EPHA6: variants seen among roughly 807,000 people sequenced by gnomAD.
The protein encoded by EPHA6 is ephrin type-A receptor 6.
EPHA6 carries 50 observed loss-of-function variants against 112.0 expected under a neutral mutation model. That is an observed-to-expected ratio of 0.45 (90% CI 0.36 to 0.56). The LOEUF is 0.56. EPHA6 is among the 20% of genes least tolerant of loss of function. The pLI, the probability that EPHA6 is intolerant of heterozygous loss-of-function variation, is 0.00. For missense variants in EPHA6, 1,280 were observed against 1,417.4 expected (o/e 0.90, Z 1.56); for synonymous variants, 529 against 490.7 (o/e 1.08, Z -1.03).
In EPHA6 at chr3:97,749,696, A is replaced by T. The variant is rs1242987399; in HGVS notation, c.*995A>T. On this transcript the variant is annotated 3_prime_UTR_variant, in exon 18 of 18. Transcript: ENST00000389672. ...GATTATACCCTTAGATTTAATGTAA[A>T]ATTATTAATTTAATTTAAACAGAAC... Among the ~76,000 whole-genome samples, 4 of 152,138 alleles carry T rather than the reference A, an allele frequency of 2.6e-5. No homozygotes were observed. Among genetic ancestry groups the T allele is most frequent in the Non-Finnish European group, 2.9e-5 (2 of 68,020 alleles).
Position 97,655,392 on chromosome 3 carries a change from T to C in EPHA6, c.2784+17310T>C, listed in dbSNP as rs78543565. On this transcript the variant is annotated intron_variant, in intron 14 of 17. Transcript: ENST00000389672. ...CTTCAATCTCTTACCTCTGAGACTC[T>C]TGCAGAAGACAATGGATATCGGCAG... 9.6e-3 allele frequency among the ~76,000 whole-genome samples: 1,464 copies of C among 151,882 alleles called. 20 individuals are homozygous for C. Among genetic ancestry groups the C allele is most frequent in the African/African-American group, 0.034 (1,394 of 41,464 alleles).
At chr3:96,829,066 C>T (rs1015958819) in intron 1 of EPHA6, among the ~76,000 whole-genome samples, 13 of 152,082 alleles carry the variant, frequency 8.5e-5, no homozygotes, top group African/African-American at 3.1e-4. Flanking sequence ...TGGAAGCTGT[C>T]TCAGCCCAAC....
chr3:97,619,434 G>GT (rs35054536), intron 13 of EPHA6, among the ~76,000 whole-genome samples: 7 of 11,676 alleles, frequency 6.0e-4, no homozygotes, highest in South Asian at 2.5e-3. Context: ...AATAGAAAAA[G>GT]GGGGGGGGGG....
intron 10 of EPHA6, among the ~76,000 whole-genome samples, chr3:97,498,550 G>C (rs1211756827): frequency 1.3e-5 from 2 of 152,106 alleles, no homozygotes; most frequent in African/African-American, 4.8e-5. Context: ...AGTACAATTA[G>C]TGTGAATGTT....
At chr3:97,655,122 T>A (rs1195189839) in intron 14 of EPHA6, among the ~76,000 whole-genome samples, 5 of 147,736 alleles carry the variant, frequency 3.4e-5, no homozygotes, top group South Asian at 2.1e-4. Context: ...ATTATATATT[T>A]TATATATATA....
intron 2 of EPHA6, among the ~76,000 whole-genome samples, chr3:96,983,613 G>A (rs553823119): frequency 7.5e-4 from 114 of 152,300 alleles, no homozygotes; most frequent in Non-Finnish European, 1.1e-3. Context: ...TTGCTAGGTT[G>A]GGGAGGTTCT....
intron 14 of EPHA6, among the ~76,000 whole-genome samples, chr3:97,685,572 C>T (rs1328848221): frequency 6.6e-6 from 1 of 152,116 alleles, no homozygotes; most frequent in Non-Finnish European, 1.5e-5. Flanking sequence ...GAAATATCTC[C>T]AGTCACTGTA....
rs187331112 is a variant in EPHA6, at chr3:97,244,277, G to C, written c.1596G>C (p.Thr532=). The change falls in exon 5 of 18, where the codon ACG becomes ACC. Residue 532 remains threonine (T), a synonymous_variant. Transcript: ENST00000389672. ...PKPFTAITVT[T]DQDAPSLIGV... The stretch of plus-strand genomic sequence containing the variant: ...CATTCACAGCTATTACAGTGACCAC[G>C]GATCAAGATGGTAAGTTCCACTGCT... 1.2e-6 allele frequency: 2 copies of C among 1,612,856 alleles called. No homozygotes were observed. Among genetic ancestry groups the C allele is most frequent in the Admixed American group, 1.7e-5 (1 of 59,890 alleles).
chr3:97,748,528 TC>T (rs2107909630), intron 17 of EPHA6, 58 bp from the exon 18 acceptor site: 2 of 805,334 alleles, frequency 2.5e-6, no homozygotes, highest in East Asian at 5.1e-5. Flanking sequence ...TCTCTCTCTC[TC>T]TCTCTCTCTT....
intron 3 of EPHA6, among the ~76,000 whole-genome samples, chr3:97,089,704 A>G (rs991471435): frequency 7.2e-5 from 11 of 152,254 alleles, no homozygotes; most frequent in African/African-American, 2.6e-4. Flanking sequence ...AAAATCTTAC[A>G]TTGCTATTCA....
intron 13 of EPHA6, among the ~76,000 whole-genome samples, chr3:97,629,913 T>G (rs1047409032): frequency 2.4e-4 from 36 of 152,180 alleles, no homozygotes; most frequent in African/African-American, 8.4e-4. Context: ...TTAAATTTAA[T>G]TTTGACTTTG....
chr3:97,543,844 T>G (rs2092905467), intron 11 of EPHA6, among the ~76,000 whole-genome samples: 2 of 152,230 alleles, frequency 1.3e-5, no homozygotes, highest in East Asian at 3.9e-4. Flanking sequence ...GGTATTTTAT[T>G]CTCTTTGAAG....
chr3:97,281,171 CG>C (rs1400270991), intron 5 of EPHA6, among the ~76,000 whole-genome samples: 1 of 151,014 alleles, frequency 6.6e-6, no homozygotes, highest in Non-Finnish European at 1.5e-5. Context: ...AAGCTATGAC[CG>C]GAATTGCAAT....
chr3:97,417,942 C>T (rs2088265847), intron 6 of EPHA6, among the ~76,000 whole-genome samples: 1 of 151,864 alleles, frequency 6.6e-6, no homozygotes, highest in Admixed American at 6.6e-5. Context: ...CTACCAATTA[C>T]AGAAAAAAAC....
chr3:97,471,892 G>A (rs750235166), intron 7 of EPHA6, among the ~76,000 whole-genome samples: 12 of 151,730 alleles, frequency 7.9e-5, no homozygotes, highest in Non-Finnish European at 1.8e-4. Context: ...CAGCTCTGGA[G>A]ACCAAAAGCA....
At chr3:97,084,116 ATATATATG>A (rs1559717394) in intron 3 of EPHA6, among the ~76,000 whole-genome samples, 1 of 119,074 alleles carries the variant, frequency 8.4e-6, no homozygotes, top group African/African-American at 3.4e-5. Context: ...ATATATATAT[ATATATATG>A]GATATATATC....
At chr3:97,086,456 TA>T (rs1244924356) in intron 3 of EPHA6, among the ~76,000 whole-genome samples, 1 of 152,054 alleles carries the variant, frequency 6.6e-6, no homozygotes, top group Non-Finnish European at 1.5e-5. Flanking sequence ...ACAACAGAAA[TA>T]TTAAATATAT....
At chr3:97,426,589 A>G (rs574189561) in intron 6 of EPHA6, among the ~76,000 whole-genome samples, 42 of 152,296 alleles carry the variant, frequency 2.8e-4, no homozygotes, top group African/African-American at 9.6e-4. Flanking sequence ...CAAAAACTAT[A>G]ACATTCCTAG....
At chr3:97,546,966 C>CTA (rs2092959899) in intron 11 of EPHA6, among the ~76,000 whole-genome samples, 1 of 152,166 alleles carries the variant, frequency 6.6e-6, no homozygotes, top group African/African-American at 2.4e-5. Flanking sequence ...ATCCATTCGT[C>CTA]TACTTTTTTT....
Sources: allele counts gnomAD v4.1 joint callset (sites outside exome capture counted in the v4.1 genomes callset), GRCh38; gene constraint gnomAD v4.1.1; transcripts MANE v1.5; gene names NCBI Gene and HGNC (gene_info 2026-07-23, HGNC 2026-07-21).